The following PCGF1 variants were observed in gnomAD, a reference collection of about 807,000 sequenced individuals.
PCGF1 encodes polycomb group ring finger 1, also known as polycomb group RING finger protein 1.
A neutral mutation model predicts 38.8 loss-of-function variants in PCGF1; 10 were observed. That is an observed-to-expected ratio of 0.26 (90% CI 0.16 to 0.44). PCGF1 has a LOEUF of 0.44. Ranked by LOEUF, PCGF1 falls within the 20% of genes least tolerant of loss-of-function variation. The probability of loss-of-function intolerance (pLI) is 1.00; values close to 1 mark genes in which losing one functional copy is unlikely to be tolerated. For synonymous variants in PCGF1, 119 were observed against 121.3 expected, an observed-to-expected ratio of 0.98 and a Z score of 0.12; for missense variants, 230 against 331.5, an observed-to-expected ratio of 0.69 and a Z score of 2.38.
chr2:74,507,051 G>A lies in PCGF1; in HGVS notation c.190C>T (p.Leu64Phe), dbSNP rs1674652294. 3 of 1,613,502 alleles carry A rather than the reference G, an allele frequency of 1.9e-6. No individual in the cohort carries two copies. The highest frequency in any genetic ancestry group is 1.3e-5 in the African/African-American group (1 of 74,922). The change falls in exon 2 of 9, where the codon CTT becomes TTT. Residue 64 changes from leucine (L) to phenylalanine (F), a missense_variant. This residue lies in a region of PCGF1 where 40 missense variants were observed against 113.2 expected (regional missense o/e 0.35). Coordinates refer to ENST00000233630, the MANE Select transcript of PCGF1 (RefSeq NM_032673.3). ...FVDATTITEC[L>F]HTFCKSCIVK... is the part of the protein sequence containing the mutation. ...TCTCCAAGGCACTCACAAGTATGAAGACACTCTGTGATGGTGGTGGCATCC... is the reference window on the plus strand; with the variant it reads ...TCTCCAAGGCACTCACAAGTATGAAAACACTCTGTGATGGTGGTGGCATCC...
chr2:74,505,157 C>T lies in PCGF1; in HGVS notation c.766G>A (p.Glu256Lys). Residue 256 changes from glutamate to lysine, a missense_variant, in exon 9 of 9, where the codon GAG becomes AAG. Physicochemically the swap from Glu to Lys is moderately conservative, Grantham distance 56. Around this residue, in one of 3 missense-constraint regions of PCGF1, gnomAD observed 144 missense variants for 182.4 expected, o/e 0.79. Coordinates refer to ENST00000233630, the MANE Select transcript of PCGF1 (RefSeq NM_032673.3). The stretch of plus-strand genomic sequence containing the variant: ...GGGCTTGGCCCCTACCTCCTCTTCT[C>T]TTTCACACTGTATTGTAAAAGCAAA... Reference protein sequence around the residue: ...SPLLLQYSVKEKRR With the variant: ...SPLLLQYSVKKKRR 1 of 1,525,806 alleles carries T rather than the reference C, an allele frequency of 6.6e-7. No individual in the cohort carries two copies. Among genetic ancestry groups the T allele is most frequent in the African/African-American group, 1.4e-5 (1 of 72,522 alleles). 94.5% of individuals were successfully genotyped at this position (1,525,806 alleles called of 1,614,324 possible).
intron 7 of PCGF1, 61 bp downstream of exon 7, chr2:74,505,491 C>T (rs532396922): frequency 8.3e-5 from 133 of 1,610,588 alleles, no homozygotes; most frequent in South Asian, 7.7e-4. Flanking sequence ...CCACCCTAGA[C>T]TCTGTCCCTC....
At chr2:74,507,003 T>C (rs1395795743) in intron 2 of PCGF1, 39 bp downstream of exon 2, 2 of 1,605,380 alleles carry the variant, frequency 1.2e-6, no homozygotes, top group Admixed American at 3.3e-5. Context: ...TGGTGAAGAC[T>C]AGGGACTGGA....
intron 3 of PCGF1, 54 bp downstream of exon 3, chr2:74,506,678 G>A: frequency 6.3e-7 from 1 of 1,598,980 alleles, no homozygotes; most frequent in Non-Finnish European, 8.6e-7. Context: ...ACCTCAAGCT[G>A]CCACTCAGCA....
rs1302135534 is a variant in PCGF1, at chr2:74,505,380, T to A, written c.691A>T (p.Met231Leu). 1 of 1,610,812 alleles carries A rather than the reference T, an allele frequency of 6.2e-7. No individual in the cohort carries two copies. ...LFDNEVLPDH[M>L]TMKQIWLSRW... ...GAGAGCCATATCTGCTTCATTGTCA[T>A]GTGATCAGGGAGAACTTCATTGTCA... is the stretch of plus-strand genomic sequence containing the variant. The change falls in exon 8 of 9, where the codon ATG (methionine) becomes TTG (leucine). Residue 231 changes from methionine to leucine, a missense_variant. Around this residue, in one of 3 missense-constraint regions of PCGF1, gnomAD observed 144 missense variants for 182.4 expected, o/e 0.79. Transcript: ENST00000233630.
chr2:74,507,405 G>A, intron 1 of PCGF1, 171 bp downstream of exon 1: 1 of 1,456,054 alleles, frequency 6.9e-7, no homozygotes, highest in Non-Finnish European at 9.0e-7. Flanking sequence ...GCGACACAAC[G>A]CGCAGGCGTC....
intron 8 of PCGF1, 58 bp from the exon 9 acceptor site, chr2:74,505,248 G>C: frequency 1.9e-6 from 3 of 1,565,704 alleles, no homozygotes; most frequent in Non-Finnish European, 8.7e-7. Context: ...TTATTCAAAG[G>C]GCCCCTCAGC....
At position 74,506,835 on chromosome 2, in the gene PCGF1, G is replaced by A; in HGVS notation, c.249C>T (p.Pro83=). The A allele has an allele frequency of 6.2e-7, 1 of 1,614,210 alleles. No homozygotes were observed. Among genetic ancestry groups the A allele is most frequent in the Non-Finnish European group, 8.5e-7 (1 of 1,180,020 alleles). The change falls in exon 3 of 9, where the codon CCC becomes CCT. Residue 83 remains proline, a synonymous_variant. Coordinates refer to ENST00000233630, the MANE Select transcript of PCGF1 (RefSeq NM_032673.3). ...VKYLQTSKYC[P]MCNIKIHETQ... ...TCTCGTGGATCTTAATGTTGCACAT[G>A]GGGCAGTACTTGCTAGTTTGGAGGT... is the stretch of plus-strand genomic sequence containing the variant.
chr2:74,507,143 T>G lies in PCGF1; in HGVS notation c.98A>C (p.Glu33Ala). Residue 33 changes from glutamate to alanine, a missense_variant, in exon 2 of 9, where the codon GAG becomes GCG. Physicochemically the swap from Glu to Ala is moderately radical, Grantham distance 107. This residue lies in a region of PCGF1 where 40 missense variants were observed against 113.2 expected (regional missense o/e 0.35). Coordinates refer to ENST00000233630, the MANE Select transcript of PCGF1 (RefSeq NM_032673.3). ...YKMDPLRNEE[E>A]VRVKIKDLNE... ...CAAGTCTTTGATCTTCACTCGAACC[T>G]CCTCCTGAAGATACACCCTCCGTCA... 3.1e-6 allele frequency: 5 copies of G among 1,613,862 alleles called. No homozygotes were observed. Among genetic ancestry groups the G allele is most frequent in the Non-Finnish European group, 4.2e-6 (5 of 1,179,816 alleles).
intron 4 of PCGF1, 30 bp from the exon 5 acceptor site, chr2:74,506,087 G>A: frequency 6.2e-7 from 1 of 1,612,898 alleles, no homozygotes; most frequent in Non-Finnish European, 8.5e-7. Context: ...GAGGTGGCTG[G>A]TGGCACACAT....
In PCGF1 at chr2:74,507,651, C is replaced by G. The variant is rs915177881; in HGVS notation, c.18G>C (p.Gly6=). The G allele has an allele frequency of 1.3e-6, 2 of 1,566,238 alleles. No homozygotes were observed. The highest frequency in any genetic ancestry group is 1.4e-5 in the African/African-American group (1 of 73,438). Residue 6 remains glycine, a synonymous_variant, in exon 1 of 9, where the codon GGG becomes GGC. Coordinates refer to ENST00000233630, the MANE Select transcript of PCGF1 (RefSeq NM_032673.3). MASPQ[G]GQIAIAMRLR... ...GCCTCATCGCGATCGCAATCTGGCC[C>G]CCCTGAGGAGACGCCATCTTAAAGG...
At position 74,506,232 on chromosome 2, in the gene PCGF1, C is replaced by G. The variant is rs1424352792; in HGVS notation, c.373G>C (p.Glu125Gln). 1.2e-6 allele frequency: 2 copies of G among 1,614,104 alleles called. No individual in the cohort carries two copies. The highest frequency in any genetic ancestry group is 2.2e-5 in the South Asian group (2 of 91,078). The change falls in exon 4 of 9, where the codon GAA becomes CAA. Residue 125 changes from glutamate to glutamine, a missense_variant. Around this residue, in one of 3 missense-constraint regions of PCGF1, gnomAD observed 144 missense variants for 182.4 expected, o/e 0.79. Coordinates refer to ENST00000233630, the MANE Select transcript of PCGF1 (RefSeq NM_032673.3). ...TCCAAACCTCGGGACTGGTAGAATT[C>G]CCGAATCCGTTTCTCTTCACCTAGA... ...LQDSEEKRIR[E>Q]FYQSRGLDRV...
At chr2:74,506,340 G>C (rs1674634103) in intron 3 of PCGF1, 88 bp from the exon 4 acceptor site, 1 of 1,156,280 alleles carries the variant, frequency 8.6e-7, no homozygotes, top group Non-Finnish European at 1.3e-6. Flanking sequence ...CACTTTGGGA[G>C]GCAGAGGTGG....
At position 74,505,465 on chromosome 2, in the gene PCGF1, CA is replaced by C. The variant is rs544029987; in HGVS notation, c.652-47del. 198 of 1,607,434 alleles carry C rather than the reference CA, an allele frequency of 1.2e-4. 1 individual carries two copies. The African/African-American group carries it at 2.0e-3, about 16-fold the overall frequency. On this transcript the variant is annotated intron_variant, in intron 7 of 8. Coordinates refer to ENST00000233630, the MANE Select transcript of PCGF1 (RefSeq NM_032673.3). ...TAATTTTAGGAACTTTCTGGCAGGT[CA>C]AAAACTACCCTGGTCCACCCTAGAC...
chr2:74,506,112 TC>T, intron 4 of PCGF1, 55 bp from the exon 5 acceptor site: 1 of 1,612,250 alleles, frequency 6.2e-7, no homozygotes, highest in Non-Finnish European at 8.5e-7. Context: ...TACTCCTCTT[TC>T]CCCAGAGAGC....
chr2:74,505,837 T>C (rs1674617912), intron 5 of PCGF1, 67 bp from the exon 6 acceptor site: 2 of 1,608,414 alleles, frequency 1.2e-6, no homozygotes, highest in African/African-American at 1.3e-5. Context: ...AGAGCCATGA[T>C]ATACTCTCTT....
chr2:74,507,669 C>T lies in PCGF1; in HGVS notation c.-1G>A. 1.3e-6 allele frequency: 2 copies of T among 1,556,692 alleles called. No individual in the cohort carries two copies. Among genetic ancestry groups the T allele is most frequent in the Non-Finnish European group, 1.7e-6 (2 of 1,150,706 alleles). On this transcript the variant is annotated 5_prime_UTR_variant, in exon 1 of 9. Transcript: ENST00000233630. ...TCTGGCCCCCCTGAGGAGACGCCAT[C>T]TTAAAGGCTGATCCCAGCCGGCCAC...
intron 1 of PCGF1, 193 bp downstream of exon 1, chr2:74,507,383 T>TACACAACGTCGGCG (rs1358005168): frequency 6.9e-6 from 10 of 1,453,648 alleles, no homozygotes; most frequent in Admixed American, 2.6e-5. Flanking sequence ...CAGGGGAGAC[T>TACACAACGTCGGCG]ACACAACGTC....
intron 4 of PCGF1, 55 bp from the exon 5 acceptor site, chr2:74,506,112 T>C: frequency 6.2e-7 from 1 of 1,612,250 alleles, no homozygotes; most frequent in South Asian, 1.1e-5. Context: ...TACTCCTCTT[T>C]CCCCAGAGAG....
Sources: gnomAD v4.1 joint callset for allele counts on GRCh38, gnomAD v4.1.1 for gene constraint, gnomAD v4.1.1 regional missense constraint, MANE v1.5 for transcripts, NCBI Gene and HGNC (gene_info 2026-07-23, HGNC 2026-07-21) for gene names.